TNKS2: variants seen among roughly 807,000 people sequenced by gnomAD.
The protein encoded by TNKS2 is poly [ADP-ribose] polymerase tankyrase-2.
In TNKS2, 72 loss-of-function variants were observed where a neutral mutation model predicts 137.6. That is an observed-to-expected ratio of 0.52 (90% CI 0.43 to 0.64). TNKS2 has a LOEUF of 0.64. Ranked by LOEUF, TNKS2 falls within the 30% of genes least tolerant of loss-of-function variation. TNKS2 has a pLI of 0.00. For missense variants in TNKS2, 1,049 were observed against 1,410.2 expected, an observed-to-expected ratio of 0.74 and a Z score of 4.10; for synonymous variants, 516 against 512.1, an observed-to-expected ratio of 1.01 and a Z score of -0.10.
At chr10:91,822,674 T>C (rs1353833202) in intron 7 of TNKS2, among the ~76,000 whole-genome samples, 1 of 151,588 alleles carries the variant, frequency 6.6e-6, no homozygotes, top group Non-Finnish European at 1.5e-5. Flanking sequence ...CAAAGGATTC[T>C]CCTGCCACAG....
chr10:91,857,436 T>G lies in TNKS2; in HGVS notation c.3000T>G (p.Val1000=). Reference sequence around the variant, plus strand: ...TTTATTTTTTATAGATTCAGAAGGTTTGTAACAAGAAACTATGGGAAAGAT... The same window carrying G: ...TTTATTTTTTATAGATTCAGAAGGTGTGTAACAAGAAACTATGGGAAAGAT... ...NRYNILKIQK[V]CNKKLWERYT... Residue 1000 remains valine (V), a synonymous_variant, in exon 24 of 27, where the codon GTT becomes GTG. Transcript: ENST00000371627. 2 of 1,605,550 alleles carry G rather than the reference T, an allele frequency of 1.2e-6. No individual in the cohort carries two copies. Among genetic ancestry groups the G allele is most frequent in the Non-Finnish European group, 1.7e-6 (2 of 1,175,080 alleles).
At chr10:91,843,019 C>G (rs1244351466) in intron 16 of TNKS2, among the ~76,000 whole-genome samples, 1 of 151,968 alleles carries the variant, frequency 6.6e-6, no homozygotes, top group African/African-American at 2.4e-5. Flanking sequence ...GAAAAATATG[C>G]CTACTTGAGC....
Position 91,845,760 on chromosome 10 carries a change from T to A in TNKS2, c.2178T>A (p.Asp726Glu). The A allele has an allele frequency of 6.5e-7, 1 of 1,534,600 alleles. No homozygotes were observed. Among genetic ancestry groups the A allele is most frequent in the Non-Finnish European group, 8.9e-7 (1 of 1,129,348 alleles). The change falls in exon 18 of 27, where the codon GAT becomes GAA. Residue 726 changes from aspartate (D) to glutamate (E), a missense_variant. Physicochemically the swap from Asp to Glu is conservative, Grantham distance 45. This residue lies in a region of TNKS2 where 328 missense variants were observed against 436.0 expected (regional missense o/e 0.75). Transcript: ENST00000371627. ...LHNAASYGHV[D>E]VAALLIKYNA... is the part of the protein sequence containing the mutation. ...GGTATTTTCTTTTACAGCATGTAGA[T>A]GTAGCAGCTCTACTAATAAAGTATA...
chr10:91,819,027 G>A (rs1419393641), intron 3 of TNKS2, among the ~76,000 whole-genome samples: 1 of 151,952 alleles, frequency 6.6e-6, no homozygotes, highest in East Asian at 1.9e-4. Context: ...TTATATAGTT[G>A]AGGTTGCCTT....
chr10:91,801,752 G>A (rs1844180568), intron 1 of TNKS2, among the ~76,000 whole-genome samples: 1 of 152,176 alleles, frequency 6.6e-6, no homozygotes, highest in South Asian at 2.1e-4. Flanking sequence ...GATTACAGGC[G>A]TGAGCCACTG....
intron 1 of TNKS2, 166 bp from the exon 2 acceptor site, chr10:91,812,817 A>C (rs1844551409): frequency 1.0e-6 from 1 of 984,612 alleles, no homozygotes; most frequent in Non-Finnish European, 1.2e-6. Flanking sequence ...TTTATCATTA[A>C]GGTTAGTTAT....
intron 1 of TNKS2, among the ~76,000 whole-genome samples, chr10:91,809,042 A>G (rs1383742116): frequency 6.6e-6 from 1 of 152,196 alleles, no homozygotes; most frequent in Non-Finnish European, 1.5e-5. Context: ...ATGTATGAGA[A>G]TGGAACTAGT....
chr10:91,799,058 C>T (rs1030570794), intron 1 of TNKS2, among the ~76,000 whole-genome samples, 169 bp downstream of exon 1: 4 of 152,094 alleles, frequency 2.6e-5, no homozygotes, highest in African/African-American at 9.7e-5. Flanking sequence ...GTAGGGTGAG[C>T]GTGCCACACT....
chr10:91,840,572 T>C lies in TNKS2; in HGVS notation c.1539T>C (p.Thr513=). 6.2e-7 allele frequency: 1 copy of C among 1,613,866 alleles called. No homozygotes were observed. The highest frequency in any genetic ancestry group is 8.5e-7 in the Non-Finnish European group (1 of 1,179,916). The change falls in exon 14 of 27, where the codon ACT becomes ACC. Residue 513 remains threonine, a synonymous_variant. Transcript: ENST00000371627. The part of the protein sequence containing the change: ...GDVETVKKLC[T]VQSVNCRDIE... ...GTTTTGTCCTTCAGAAACTGTGTAC[T>C]GTTCAGAGTGTCAACTGCAGAGACA...
rs569933818 is a variant in TNKS2, at chr10:91,825,760, G to A, written c.796-1257G>A. Among the ~76,000 whole-genome samples the A allele has an allele frequency of 6.6e-5, 10 of 152,304 alleles. No homozygotes were observed. In the South Asian group the frequency reaches 2.1e-3, roughly 32 times the overall value. On this transcript the variant is annotated intron_variant, in intron 7 of 26. Coordinates refer to ENST00000371627, the MANE Select transcript of TNKS2 (RefSeq NM_025235.4). The stretch of plus-strand genomic sequence containing the variant: ...AGTGGTCCATACTTAGCCAACTCCA[G>A]TACTTGGAAATGGCTAAAATTAAAA...
chr10:91,829,573 T>A (rs1380114967), intron 9 of TNKS2, among the ~76,000 whole-genome samples: 5 of 152,032 alleles, frequency 3.3e-5, no homozygotes, highest in Non-Finnish European at 1.5e-5. Context: ...GATGTGATTT[T>A]TAAAAAAAGT....
intron 14 of TNKS2, 88 bp downstream of exon 14, chr10:91,840,794 T>C (rs1842188694): frequency 1.5e-6 from 2 of 1,342,190 alleles, no homozygotes; most frequent in African/African-American, 2.9e-5. Context: ...GTTTTATTTT[T>C]CAAGAAAGCC....
intron 3 of TNKS2, 148 bp from the exon 4 acceptor site, chr10:91,819,122 C>T (rs1169857994): frequency 4.0e-6 from 2 of 505,844 alleles, no homozygotes; most frequent in South Asian, 4.0e-5. Context: ...TTTTAAACTA[C>T]ACAATATTCT....
At chr10:91,860,535 A>T (rs1260914659) in intron 25 of TNKS2, among the ~76,000 whole-genome samples, 1 of 152,220 alleles carries the variant, frequency 6.6e-6, no homozygotes, top group Admixed American at 6.5e-5. Context: ...CTAGAGCAGT[A>T]CTTTGCACTT....
intron 19 of TNKS2, 102 bp downstream of exon 19, chr10:91,848,737 A>G (rs1374432457): frequency 7.3e-7 from 1 of 1,362,146 alleles, no homozygotes; most frequent in Admixed American, 2.2e-5. Flanking sequence ...ACAAGGTATT[A>G]GTATAAAATT....
chr10:91,831,731 T>C (rs1845254777), intron 11 of TNKS2, among the ~76,000 whole-genome samples: 1 of 152,246 alleles, frequency 6.6e-6, no homozygotes, highest in Non-Finnish European at 1.5e-5. Flanking sequence ...TCATCAAGGC[T>C]AGAAATCATC....
intron 1 of TNKS2, among the ~76,000 whole-genome samples, chr10:91,801,839 T>C (rs899704070): frequency 6.6e-6 from 1 of 152,220 alleles, no homozygotes; most frequent in Non-Finnish European, 1.5e-5. Context: ...GCTGTTGCTC[T>C]AATTTTACTA....
chr10:91,844,974 G>A lies in TNKS2; in HGVS notation c.2115G>A (p.Val705=). 1 of 1,613,646 alleles carries A rather than the reference G, an allele frequency of 6.2e-7. No individual in the cohort carries two copies. Among genetic ancestry groups the A allele is most frequent in the Non-Finnish European group, 8.5e-7 (1 of 1,179,736 alleles). Residue 705 remains valine (V), a synonymous_variant, in exon 17 of 27, where the codon GTG becomes GTA. Coordinates refer to ENST00000371627, the MANE Select transcript of TNKS2 (RefSeq NM_025235.4). The part of the protein sequence containing the change: ...AEYLLQHGAD[V]NAQDKGGLIP... ...ATTTGTTACAACACGGAGCTGATGTGAATGCCCAAGACAAAGGAGGACTTA... is the reference window on the plus strand; with the variant it reads ...ATTTGTTACAACACGGAGCTGATGTAAATGCCCAAGACAAAGGAGGACTTA...
intron 24 of TNKS2, among the ~76,000 whole-genome samples, chr10:91,857,992 C>A (rs1396860555): frequency 6.6e-6 from 1 of 152,154 alleles, no homozygotes; most frequent in Admixed American, 6.5e-5. Flanking sequence ...AGAATTGAAA[C>A]CATAGAATTG....
Sources: gnomAD v4.1 joint callset for allele counts (sites outside exome capture counted in the v4.1 genomes callset) on GRCh38, gnomAD v4.1.1 for gene constraint, gnomAD v4.1.1 regional missense constraint, MANE v1.5 for transcripts, NCBI Gene and HGNC (gene_info 2026-07-23, HGNC 2026-07-21) for gene names.